GLDN: variants seen among roughly 807,000 people sequenced by gnomAD.
GLDN encodes the protein gliomedin.
Under a neutral mutation model 56.5 loss-of-function variants are expected in GLDN, and 47 were observed. That is an observed-to-expected ratio of 0.83 (90% CI 0.66 to 1.06). GLDN has a LOEUF of 1.06. Ranked by LOEUF, GLDN falls within the 50% of genes least tolerant of loss-of-function variation. The probability of loss-of-function intolerance (pLI) is 0.00; values close to 1 mark genes in which losing one functional copy is unlikely to be tolerated. For synonymous variants in GLDN, 332 were observed against 278.8 expected, an observed-to-expected ratio of 1.19 and a Z score of -1.90; for missense variants, 782 against 714.3, an observed-to-expected ratio of 1.09 and a Z score of -1.08.
At chr15:51,356,321 C>T (rs2037186798) in intron 1 of GLDN, among the ~76,000 whole-genome samples, 1 of 152,126 alleles carries the variant, frequency 6.6e-6, no homozygotes, top group South Asian at 2.1e-4. Context: ...ACACCTCTGA[C>T]AAAAGGAGCC....
At chr15:51,384,085 T>C (rs1303924587) in intron 4 of GLDN, 193 bp downstream of exon 4, 1 of 636,266 alleles carries the variant, frequency 1.6e-6, no homozygotes, top group Non-Finnish European at 2.8e-6. Context: ...CCTTGACAGA[T>C]GTTTATTTCA....
At chr15:51,389,919 A>G (rs2037979829) in intron 4 of GLDN, among the ~76,000 whole-genome samples, 1 of 152,196 alleles carries the variant, frequency 6.6e-6, no homozygotes, top group African/African-American at 2.4e-5. Context: ...AGGAGCCATT[A>G]TAAGACTACC....
At chr15:51,411,835 G>C (rs2446407), downstream of GLDN, among the ~76,000 whole-genome samples, 24,416 of 152,170 alleles carry the variant, frequency 0.16, 2,300 homozygotes, top group Non-Finnish European at 0.21. Flanking sequence ...GATCTAACCT[G>C]AAGGACATAG....
At chr15:51,344,316 A>C (rs987396108) in intron 1 of GLDN, among the ~76,000 whole-genome samples, 12 of 151,274 alleles carry the variant, frequency 7.9e-5, no homozygotes, top group Admixed American at 5.3e-4. Flanking sequence ...GTTAGGCATC[A>C]CACTCCCACC....
intron 1 of GLDN, among the ~76,000 whole-genome samples, chr15:51,347,101 CAT>C (rs2036991814): frequency 6.6e-6 from 1 of 151,974 alleles, no homozygotes. Context: ...CTGGAAAACT[CAT>C]ATCATATCAT....
chr15:51,350,082 G>A (rs957770039), intron 1 of GLDN, among the ~76,000 whole-genome samples: 1 of 152,056 alleles, frequency 6.6e-6, no homozygotes, highest in African/African-American at 2.4e-5. Context: ...TAAATCAGGG[G>A]TGCTCCAGCC....
At chr15:51,399,009 C>T (rs1334559678) in intron 6 of GLDN, among the ~76,000 whole-genome samples, 1 of 152,170 alleles carries the variant, frequency 6.6e-6, no homozygotes, top group Non-Finnish European at 1.5e-5. Context: ...CATTATCTTC[C>T]ATTCTGCCTC....
At chr15:51,409,885 C>T (rs569687311), downstream of GLDN, among the ~76,000 whole-genome samples, 4 of 152,324 alleles carry the variant, frequency 2.6e-5, no homozygotes, top group African/African-American at 7.2e-5. Flanking sequence ...GAAAAATTAA[C>T]TTTGAATGCT....
intron 2 of GLDN, among the ~76,000 whole-genome samples, chr15:51,382,524 T>C (rs544417697): frequency 5.6e-4 from 85 of 151,932 alleles, no homozygotes; most frequent in African/African-American, 2.0e-3. Flanking sequence ...GAGGCTATCT[T>C]GGCTAACACA....
intron 1 of GLDN, chr15:51,360,166 A>G (rs2037265189): frequency 6.6e-6 from 1 of 152,164 alleles, no homozygotes; most frequent in Admixed American, 6.6e-5. Flanking sequence ...GGTGTTTTGT[A>G]ATAGAGATCA....
chr15:51,378,223 A>G lies in GLDN; in HGVS notation c.415+723A>G, dbSNP rs762622376. ...GAAAGAAACTCCCCTCAGGAACCCC[A>G]CATCCAAGTCTGACTCTCTTTCACT... is the stretch of plus-strand genomic sequence containing the variant. On this transcript the variant is annotated intron_variant, in intron 2 of 9. Transcript: ENST00000335449. Among the ~76,000 whole-genome samples the G allele has an allele frequency of 4.7e-4, 72 of 152,204 alleles. 1 individual carries two copies. The highest frequency in any genetic ancestry group is 1.3e-3 in the Admixed American group (20 of 15,274).
downstream of GLDN, among the ~76,000 whole-genome samples, chr15:51,411,027 G>C (rs1036381245): frequency 6.6e-6 from 1 of 152,186 alleles, no homozygotes; most frequent in Non-Finnish European, 1.5e-5. Flanking sequence ...TGGTATAGCG[G>C]TAGAAAGGAA....
chr15:51,384,141 G>A, intron 4 of GLDN: 3 of 484,778 alleles, frequency 6.2e-6, no homozygotes, highest in Non-Finnish European at 1.1e-5. Flanking sequence ...CCCTTCTGCT[G>A]CAGATGGGAG....
At chr15:51,360,109 C>G (rs2037263853) in intron 1 of GLDN, 1 of 152,182 alleles carries the variant, frequency 6.6e-6, no homozygotes. Context: ...AAAGTCTGCC[C>G]TGGGCCCCGA....
chr15:51,402,258 A>G (rs539256033), intron 9 of GLDN, among the ~76,000 whole-genome samples: 1 of 152,326 alleles, frequency 6.6e-6, no homozygotes, highest in Non-Finnish European at 1.5e-5. Context: ...CCCATAGGGA[A>G]GGGAGGAGGG....
At chr15:51,351,053 G>T (rs1002355968) in intron 1 of GLDN, 1 of 227,720 alleles carries the variant, frequency 4.4e-6, no homozygotes, top group Non-Finnish European at 9.0e-6. Context: ...TTAAGTGAAC[G>T]TAAACTCAAG....
At chr15:51,355,207 C>T (rs1019857156) in intron 1 of GLDN, among the ~76,000 whole-genome samples, 1 of 152,188 alleles carries the variant, frequency 6.6e-6, no homozygotes, top group African/African-American at 2.4e-5. Flanking sequence ...GCCCCAAAGG[C>T]TGCTGGTTGG....
At chr15:51,387,168 GGA>G (rs1252321554) in intron 4 of GLDN, among the ~76,000 whole-genome samples, 1 of 152,152 alleles carries the variant, frequency 6.6e-6, no homozygotes, top group Non-Finnish European at 1.5e-5. Context: ...AGTCAGCAAA[GGA>G]GACTGAGGAG....
intron 9 of GLDN, among the ~76,000 whole-genome samples, chr15:51,403,702 TTTC>T (rs1377625078): frequency 1.3e-5 from 2 of 152,230 alleles, no homozygotes; most frequent in Non-Finnish European, 2.9e-5. Context: ...ACCTGCTGAC[TTTC>T]TTCTTAACTT....
Sources: gnomAD v4.1 joint callset for allele counts (sites outside exome capture counted in the v4.1 genomes callset) on GRCh38, gnomAD v4.1.1 for gene constraint, MANE v1.5 for transcripts, NCBI Gene and HGNC (gene_info 2026-07-23, HGNC 2026-07-21) for gene names.